The following NRG1 variants were observed in gnomAD, a reference collection of about 807,000 sequenced individuals.
The protein encoded by NRG1 is neuregulin 1.
In NRG1, 18 loss-of-function variants were observed where a neutral mutation model predicts 63.8. The ratio of observed to expected loss-of-function variants is 0.28; its 90% CI spans 0.19 to 0.42. The LOEUF (loss-of-function observed/expected upper bound fraction) is 0.42, where lower values mean the gene tolerates loss of function less well. NRG1 is among the 10% of genes least tolerant of loss of function. NRG1 has a pLI of 1.00. For missense variants in NRG1, 762 were observed against 814.7 expected (o/e 0.94, Z 0.79); for synonymous variants, 302 against 301.3 (o/e 1.00, Z -0.02).
At chr8:32,230,473 C>T (rs1316552893) in intron 1 of NRG1, among the ~76,000 whole-genome samples, 1 of 152,092 alleles carries the variant, frequency 6.6e-6, no homozygotes, top group Non-Finnish European at 1.5e-5. Context: ...ATAGAGGGCA[C>T]CCATGGCAAG....
intron 1 of NRG1, among the ~76,000 whole-genome samples, chr8:31,645,339 T>G (rs1010123515): frequency 3.7e-4 from 56 of 152,302 alleles, no homozygotes; most frequent in African/African-American, 1.3e-3. Context: ...CACAAATAAT[T>G]GTATGACTAA....
chr8:32,367,293 T>TC (rs1363032767), intron 1 of NRG1, among the ~76,000 whole-genome samples: 1 of 152,190 alleles, frequency 6.6e-6, no homozygotes, highest in Admixed American at 6.5e-5. Flanking sequence ...TTCCACATCC[T>TC]CACTGACATT....
intron 1 of NRG1, among the ~76,000 whole-genome samples, chr8:32,123,668 T>A (rs1336764548): frequency 6.7e-6 from 1 of 149,714 alleles, no homozygotes; most frequent in Non-Finnish European, 1.5e-5. Flanking sequence ...AATTTTTCAT[T>A]CTGTCTTATA....
chr8:32,039,380 AGAG>A (rs1325561339), intron 1 of NRG1, among the ~76,000 whole-genome samples: 1 of 152,192 alleles, frequency 6.6e-6, no homozygotes, highest in Non-Finnish European at 1.5e-5. Flanking sequence ...TAGGGCCAAT[AGAG>A]GAGGAGGCAA....
chr8:32,573,368 A>T (rs1392342083), intron 1 of NRG1, among the ~76,000 whole-genome samples: 1 of 105,536 alleles, frequency 9.5e-6, no homozygotes. Flanking sequence ...AGTGTGCTCC[A>T]ATAAAACTTT....
chr8:32,023,011 TTACTC>T (rs1340634877), intron 1 of NRG1, among the ~76,000 whole-genome samples: 6 of 152,234 alleles, frequency 3.9e-5, no homozygotes, highest in African/African-American at 1.4e-4. Context: ...ATCTGATTTT[TTACTC>T]TACTGAGACG....
intron 5 of NRG1, among the ~76,000 whole-genome samples, chr8:32,684,128 T>C (rs1809446725): frequency 6.6e-6 from 1 of 152,126 alleles, no homozygotes; most frequent in African/African-American, 2.4e-5. Context: ...ATCATGACAC[T>C]GCACTCCAGC....
chr8:31,714,232 T>C (rs1012272984), intron 1 of NRG1, among the ~76,000 whole-genome samples: 2 of 152,212 alleles, frequency 1.3e-5, no homozygotes. Context: ...GTTGCTTTTG[T>C]GTAATACCCA....
At chr8:31,871,205 G>C (rs539393898) in intron 1 of NRG1, among the ~76,000 whole-genome samples, 1 of 149,894 alleles carries the variant, frequency 6.7e-6, no homozygotes, top group South Asian at 2.1e-4. Flanking sequence ...TTGATCTCCT[G>C]ACCTCGTGAT....
intron 1 of NRG1, among the ~76,000 whole-genome samples, chr8:31,833,808 C>T (rs926216436): frequency 6.6e-6 from 1 of 152,122 alleles, no homozygotes; most frequent in African/African-American, 2.4e-5. Flanking sequence ...TCATCTTGCT[C>T]ATTCCATAGC....
chr8:32,281,315 T>C (rs1852814749), intron 1 of NRG1, among the ~76,000 whole-genome samples: 1 of 151,572 alleles, frequency 6.6e-6, no homozygotes, highest in Non-Finnish European at 1.5e-5. Flanking sequence ...GTAGTTGGGA[T>C]GACAGGCACC....
At chr8:31,672,313 C>T (rs1307744192) in intron 1 of NRG1, among the ~76,000 whole-genome samples, 1 of 152,024 alleles carries the variant, frequency 6.6e-6, no homozygotes, top group Non-Finnish European at 1.5e-5. Flanking sequence ...ATCAATATTC[C>T]CAGAACTAGA....
At chr8:32,585,450 C>T (rs1345150191) in intron 1 of NRG1, among the ~76,000 whole-genome samples, 4 of 152,106 alleles carry the variant, frequency 2.6e-5, no homozygotes, top group African/African-American at 4.8e-5. Flanking sequence ...AGCTGCTGGC[C>T]GCGGCGCAGT....
At position 32,159,261 on chromosome 8, in the gene NRG1, G is replaced by A. The variant is rs539981189; in HGVS notation, c.38-436567G>A. Among the ~76,000 whole-genome samples, 294 of 152,256 alleles carry A rather than the reference G, an allele frequency of 1.9e-3. 1 individual carries two copies. Among genetic ancestry groups the A allele is most frequent in the African/African-American group, 6.9e-3 (286 of 41,554 alleles). ...TTTTAAGAAAAAGGCTTGGCCGGGC[G>A]CGGTGGCTCACGCCTGTAATCCCAG... On this transcript the variant is annotated intron_variant, in intron 1 of 10. Coordinates refer to the NRG1 transcript ENST00000519301.
chr8:32,134,025 C>T (rs1835187372), intron 1 of NRG1, among the ~76,000 whole-genome samples: 1 of 152,082 alleles, frequency 6.6e-6, no homozygotes, highest in Non-Finnish European at 1.5e-5. Context: ...GAATTTTACA[C>T]TCTGCCAAGC....
At chr8:31,835,296 T>C (rs1235950760) in intron 1 of NRG1, among the ~76,000 whole-genome samples, 1 of 152,212 alleles carries the variant, frequency 6.6e-6, no homozygotes, top group Non-Finnish European at 1.5e-5. Flanking sequence ...AGTCCTCCAC[T>C]AATTCTCATT....
At chr8:31,852,112 G>C (rs2129609186) in intron 1 of NRG1, among the ~76,000 whole-genome samples, 1 of 151,884 alleles carries the variant, frequency 6.6e-6, no homozygotes, top group East Asian at 1.9e-4. Context: ...ACAGTCCTTT[G>C]GGTATATACC....
chr8:31,670,276 G>GTTCT (rs1468169026), intron 1 of NRG1, among the ~76,000 whole-genome samples: 1 of 152,056 alleles, frequency 6.6e-6, no homozygotes, highest in Non-Finnish European at 1.5e-5. Flanking sequence ...CCACTGCTGT[G>GTTCT]TTCTAGTTCC....
intron 1 of NRG1, among the ~76,000 whole-genome samples, chr8:32,203,984 G>T (rs1266482853): frequency 6.6e-6 from 1 of 152,142 alleles, no homozygotes; most frequent in Non-Finnish European, 1.5e-5. Flanking sequence ...CAGGTGATCA[G>T]ATTATTGAGA....
Sources: gnomAD v4.1 joint callset for allele counts (sites outside exome capture counted in the v4.1 genomes callset) on GRCh38, gnomAD v4.1.1 for gene constraint, MANE v1.5 for transcripts, NCBI Gene and HGNC (gene_info 2026-07-23, HGNC 2026-07-21) for gene names.